The following YAE1 variants were observed in gnomAD, a reference collection of about 807,000 sequenced individuals.
YAE1 encodes the protein protein YAE1 homolog.
Under a neutral mutation model 23.0 loss-of-function variants are expected in YAE1, and 22 were observed. The ratio of observed to expected loss-of-function variants is 0.96; its 90% CI spans 0.68 to 1.37. YAE1 has a LOEUF of 1.37. YAE1 is among the 40% of genes most tolerant of loss of function. YAE1 has a pLI of 0.00. For missense variants in YAE1, 260 were observed against 262.1 expected, an observed-to-expected ratio of 0.99 and a Z score of 0.06; for synonymous variants, 101 against 97.0, an observed-to-expected ratio of 1.04 and a Z score of -0.24.
chr7:39,589,260 T>C (rs1470333754), intron 2 of YAE1, among the ~76,000 whole-genome samples: 1 of 152,182 alleles, frequency 6.6e-6, no homozygotes, highest in Admixed American at 6.5e-5. Context: ...TACTATGTAG[T>C]TTTCTGTATA....
chr7:39,609,816 C>T, exon 3 of YAE1: 1 of 1,531,392 alleles, frequency 6.5e-7, no homozygotes, highest in East Asian at 2.5e-5. Context: ...CTTCCCCGCC[C>T]GGCTCCGGGC....
intron 2 of YAE1, among the ~76,000 whole-genome samples, chr7:39,606,707 AC>A (rs1211620693): frequency 3.2e-5 from 1 of 31,068 alleles, no homozygotes; most frequent in Admixed American, 3.7e-4. Context: ...CCAAAAAAGC[AC>A]TAAAAAAAAA....
intron 2 of YAE1, among the ~76,000 whole-genome samples, chr7:39,584,353 G>T (rs923325505): frequency 2.0e-5 from 3 of 152,152 alleles, no homozygotes; most frequent in Non-Finnish European, 4.4e-5. Flanking sequence ...GATGCTGTAT[G>T]TCCTGCAATG....
intron 2 of YAE1, among the ~76,000 whole-genome samples, chr7:39,606,707 A>T (rs1015196528): frequency 3.2e-5 from 1 of 31,068 alleles, no homozygotes; most frequent in African/African-American, 2.1e-4. Flanking sequence ...CCAAAAAAGC[A>T]CTAAAAAAAA....
At chr7:39,573,976 C>T (rs1286770279), downstream of YAE1, among the ~76,000 whole-genome samples, 1 of 152,218 alleles carries the variant, frequency 6.6e-6, no homozygotes, top group Non-Finnish European at 1.5e-5. Flanking sequence ...TTTATGGACA[C>T]AGCCCAAATC....
chr7:39,599,095 C>G lies in YAE1; in HGVS notation c.252-10522C>G, dbSNP rs1222713303. Among the ~76,000 whole-genome samples the G allele has an allele frequency of 4.0e-5, 6 of 151,738 alleles. No individual in the cohort carries two copies. The East Asian group carries it at 1.2e-3, about 30-fold the overall frequency. ...TCTCTACTAAAAATACAAAAACTGGCGAGGCGAGGTGGTGCATGGCTATAA... is the reference window on the plus strand; with the variant it reads ...TCTCTACTAAAAATACAAAAACTGGGGAGGCGAGGTGGTGCATGGCTATAA... On this transcript the variant is annotated intron_variant, in intron 2 of 2. Transcript: ENST00000432096.
chr7:39,572,484 T>C lies in YAE1; in HGVS notation c.459T>C (p.Asp153=), dbSNP rs1790587057. The C allele has an allele frequency of 1.2e-6, 2 of 1,614,118 alleles. No individual in the cohort carries two copies. Among genetic ancestry groups the C allele is most frequent in the Non-Finnish European group, 1.7e-6 (2 of 1,179,982 alleles). The change falls in exon 3 of 3, where the codon GAT becomes GAC. Residue 153 remains aspartate, a synonymous_variant. Coordinates refer to ENST00000223273, the MANE Select transcript of YAE1 (RefSeq NM_020192.5). The stretch of plus-strand genomic sequence containing the variant: ...TAGTTCCAGCTGAGAAAAAGATTGA[T>C]GAAGCTAAAGATGAAAGACTCTGTG... ...CHVVPAEKKI[D]EAKDERLCEN...
intron 2 of YAE1, among the ~76,000 whole-genome samples, chr7:39,598,998 G>T (rs777899553): frequency 5.3e-5 from 8 of 151,924 alleles, no homozygotes; most frequent in Non-Finnish European, 1.0e-4. Flanking sequence ...TTCTCACTCT[G>T]TTGGGAGGCC....
chr7:39,571,815 C>T (rs12701746), intron 2 of YAE1, among the ~76,000 whole-genome samples: 101,347 of 152,006 alleles, frequency 0.67, 34,671 homozygotes, highest in African/African-American at 0.83. Context: ...TTGAAAACTT[C>T]TTTTCTCTAA....
At chr7:39,582,605 A>T (rs1250998767) in intron 2 of YAE1, among the ~76,000 whole-genome samples, 1 of 152,156 alleles carries the variant, frequency 6.6e-6, no homozygotes, top group Non-Finnish European at 1.5e-5. Flanking sequence ...CTTATGACCC[A>T]CCCCATTTGT....
At chr7:39,598,073 G>GGCA (rs1453296691) in intron 2 of YAE1, among the ~76,000 whole-genome samples, 1 of 151,760 alleles carries the variant, frequency 6.6e-6, no homozygotes, top group Non-Finnish European at 1.5e-5. Context: ...GTGTCCTAAA[G>GGCA]TCCTGGGATT....
chr7:39,611,467 A>G (rs1791216410), downstream of YAE1, among the ~76,000 whole-genome samples: 1 of 152,234 alleles, frequency 6.6e-6, no homozygotes, highest in South Asian at 2.1e-4. Context: ...TGCTGGGCCG[A>G]GGCAGGCTCC....
intron 2 of YAE1, among the ~76,000 whole-genome samples, chr7:39,571,496 AT>A (rs1334103216): frequency 6.6e-6 from 1 of 152,084 alleles, no homozygotes; most frequent in African/African-American, 2.4e-5. Flanking sequence ...AAACCGAAAA[AT>A]TTATTGTATT....
chr7:39,571,454 A>G (rs773612527), intron 2 of YAE1, among the ~76,000 whole-genome samples: 1 of 152,040 alleles, frequency 6.6e-6, no homozygotes, highest in Non-Finnish European at 1.5e-5. Context: ...CGCTAATTTT[A>G]AAGAAGAGTA....
chr7:39,592,408 T>C (rs1790913674), intron 2 of YAE1, among the ~76,000 whole-genome samples: 1 of 152,212 alleles, frequency 6.6e-6, no homozygotes, highest in Non-Finnish European at 1.5e-5. Flanking sequence ...ATATTTTTGC[T>C]ATATGTAAAA....
At chr7:39,586,931 T>A (rs1210191250) in intron 2 of YAE1, among the ~76,000 whole-genome samples, 1 of 152,224 alleles carries the variant, frequency 6.6e-6, no homozygotes, top group Non-Finnish European at 1.5e-5. Flanking sequence ...AAAACTCAAG[T>A]GAAATACAAA....
At chr7:39,602,734 GTTT>G (rs1791070637) in intron 2 of YAE1, among the ~76,000 whole-genome samples, 1 of 2,666 alleles carries the variant, frequency 3.8e-4, no homozygotes, top group African/African-American at 3.5e-3. Context: ...TTGGTTTTTT[GTTT>G]GTTTGTTTGT....
chr7:39,585,899 T>A (rs1299016109), intron 2 of YAE1, among the ~76,000 whole-genome samples: 2 of 152,082 alleles, frequency 1.3e-5, no homozygotes, highest in Non-Finnish European at 2.9e-5. Context: ...AGCTCAGAAT[T>A]CGAGACCAGC....
At chr7:39,567,566 T>A (rs1222348605) in intron 1 of YAE1, among the ~76,000 whole-genome samples, 1 of 152,188 alleles carries the variant, frequency 6.6e-6, no homozygotes, top group Non-Finnish European at 1.5e-5. Flanking sequence ...TAATTTTCCA[T>A]ATATCCTTTT....
Sources: gnomAD v4.1 joint callset for allele counts (sites outside exome capture counted in the v4.1 genomes callset) on GRCh38, gnomAD v4.1.1 for gene constraint, MANE v1.5 for transcripts, NCBI Gene and HGNC (gene_info 2026-07-23, HGNC 2026-07-21) for gene names.